Variants in CNGB3 observed in about 807,000 individuals in gnomAD.
The protein encoded by CNGB3 is cyclic nucleotide gated channel subunit beta 3, also known as cyclic nucleotide-gated channel beta-3.
CNGB3 carries 86 observed loss-of-function variants against 92.8 expected under a neutral mutation model. The ratio of observed to expected loss-of-function variants is 0.93; its 90% CI spans 0.78 to 1.11. CNGB3 has a LOEUF of 1.11. Among genes scored for constraint, CNGB3 ranks in the 50% least tolerant of loss-of-function variants. The pLI, the probability that CNGB3 is intolerant of heterozygous loss-of-function variation, is 0.00. For synonymous variants in CNGB3, 333 were observed against 332.7 expected, an observed-to-expected ratio of 1.00 and a Z score of -0.01; for missense variants, 1,026 against 956.8, an observed-to-expected ratio of 1.07 and a Z score of -0.95.
chr8:86,692,063 A>G (rs377573669), intron 3 of CNGB3, among the ~76,000 whole-genome samples: 33 of 152,178 alleles, frequency 2.2e-4, no homozygotes, highest in African/African-American at 7.2e-4. Context: ...TTGATTTTCA[A>G]TTTTATTCCA....
In CNGB3 at chr8:86,653,887, C is replaced by A. The variant is rs79270455; in HGVS notation, c.903+125G>T. On this transcript the variant is annotated intron_variant, in intron 7 of 17. Transcript: ENST00000320005. The stretch of plus-strand genomic sequence containing the variant: ...GGTAATTATTGAGAGGCAGAAACTT[C>A]AGGCTTATCATTGTCTAATAAAACT... The A allele has an allele frequency of 4.4e-3, 3,211 of 726,330 alleles. 82 individuals carry two copies. The East Asian group carries it at 0.057, about 13-fold the overall frequency. The allele number at this position is 726,330 out of a possible 1,614,324, so 45.0% of individuals were successfully genotyped here.
chr8:86,694,204 G>A (rs1824390935), intron 3 of CNGB3, among the ~76,000 whole-genome samples: 1 of 148,134 alleles, frequency 6.8e-6, no homozygotes, highest in African/African-American at 2.5e-5. Flanking sequence ...TCCCGGACGG[G>A]GCGGCTGGCC....
intron 6 of CNGB3, chr8:86,661,600 CT>C: frequency 1.3e-6 from 1 of 781,194 alleles, no homozygotes; most frequent in East Asian, 2.5e-5. Context: ...CATCCTCCAA[CT>C]TTTTCCCACT....
intron 3 of CNGB3, among the ~76,000 whole-genome samples, chr8:86,693,904 C>G (rs181137867): frequency 5.3e-5 from 8 of 152,182 alleles, no homozygotes; most frequent in African/African-American, 1.7e-4. Flanking sequence ...CCTTCCCCCC[C>G]TCTCCATTCC....
chr8:86,671,124 G>A (rs749306016), intron 3 of CNGB3, 26 bp from the exon 4 acceptor site: 1 of 1,611,900 alleles, frequency 6.2e-7, no homozygotes, highest in South Asian at 1.1e-5. Flanking sequence ...AATGGCAATA[G>A]AGATGGGCCC....
chr8:86,638,177 G>C (rs1823111501), intron 10 of CNGB3, among the ~76,000 whole-genome samples: 4 of 152,086 alleles, frequency 2.6e-5, no homozygotes, highest in Admixed American at 2.6e-4. Context: ...GAGCTTCTGT[G>C]AAAATTCTTG....
chr8:86,632,198 CAAAAAA>C (rs71275869), intron 11 of CNGB3, among the ~76,000 whole-genome samples: 1 of 70,572 alleles, frequency 1.4e-5, no homozygotes, highest in African/African-American at 4.2e-5. Flanking sequence ...GACCCTGTCT[CAAAAAA>C]AAAAAAAAAA....
At chr8:86,730,192 C>T (rs36112111) in intron 2 of CNGB3, among the ~76,000 whole-genome samples, 19 of 152,266 alleles carry the variant, frequency 1.2e-4, no homozygotes, top group African/African-American at 3.1e-4. Flanking sequence ...CATGGAGACA[C>T]GAGCAGGTGT....
At chr8:86,709,984 T>G (rs983782423) in intron 3 of CNGB3, among the ~76,000 whole-genome samples, 7 of 152,206 alleles carry the variant, frequency 4.6e-5, no homozygotes, top group Non-Finnish European at 7.3e-5. Context: ...GATCCTGTGC[T>G]AAACAGTTGA....
chr8:86,606,149 T>G (rs1585965352), intron 14 of CNGB3, among the ~76,000 whole-genome samples: 1 of 116,066 alleles, frequency 8.6e-6, no homozygotes, highest in Non-Finnish European at 1.6e-5. Context: ...GGGGTTGGTT[T>G]TTTTTTTTTT....
In CNGB3 at chr8:86,603,974, A is replaced by G. The variant is rs115601223; in HGVS notation, c.1781+119T>C. Reference sequence around the variant, plus strand: ...AAAATATGAAAATCCTTATTTTACGAATGCTCTCAGCACAATCAAACCTTT... The same window carrying G: ...AAAATATGAAAATCCTTATTTTACGGATGCTCTCAGCACAATCAAACCTTT... On this transcript the variant is annotated intron_variant, in intron 15 of 17. Transcript: ENST00000320005. 1.8e-3 allele frequency: 1,330 copies of G among 720,758 alleles called. 9 individuals carry two copies. The African/African-American group carries it at 0.02, about 11-fold the overall frequency. The allele number at this position is 720,758 out of a possible 1,614,324, so 44.6% of individuals were successfully genotyped here.
At chr8:86,623,253 A>G (rs959274392) in intron 13 of CNGB3, among the ~76,000 whole-genome samples, 1 of 152,192 alleles carries the variant, frequency 6.6e-6, no homozygotes, top group African/African-American at 2.4e-5. Context: ...AACTGCCTAC[A>G]TGAAATTTTC....
intron 15 of CNGB3, among the ~76,000 whole-genome samples, chr8:86,596,015 C>T (rs1476970527): frequency 6.6e-6 from 1 of 152,010 alleles, no homozygotes; most frequent in Non-Finnish European, 1.5e-5. Context: ...TATATCAATG[C>T]CTGAATTCTA....
chr8:86,682,755 G>A (rs1283329128), intron 3 of CNGB3, among the ~76,000 whole-genome samples: 3 of 152,208 alleles, frequency 2.0e-5, no homozygotes, highest in Non-Finnish European at 4.4e-5. Context: ...AAAATCGCAT[G>A]TGAGGCTTAG....
chr8:86,636,332 T>G (rs1394169724), intron 10 of CNGB3, among the ~76,000 whole-genome samples: 1 of 151,842 alleles, frequency 6.6e-6, no homozygotes, highest in Admixed American at 6.6e-5. Context: ...AGTGCTTTGG[T>G]AGGCTGAGGC....
At chr8:86,688,425 A>G (rs1450201719) in intron 3 of CNGB3, among the ~76,000 whole-genome samples, 1 of 152,090 alleles carries the variant, frequency 6.6e-6, no homozygotes, top group African/African-American at 2.4e-5. Context: ...CATGATATTG[A>G]GACCCCTTCA....
intron 15 of CNGB3, among the ~76,000 whole-genome samples, chr8:86,589,856 T>C (rs1274609734): frequency 6.6e-6 from 1 of 152,022 alleles, no homozygotes; most frequent in Non-Finnish European, 1.5e-5. Context: ...CTATTGGGTC[T>C]GCTTGGTGCA....
intron 15 of CNGB3, among the ~76,000 whole-genome samples, chr8:86,591,732 G>T (rs959990005): frequency 6.6e-6 from 1 of 152,206 alleles, no homozygotes. Flanking sequence ...GAGAACCACT[G>T]CTCTCTTCAA....
chr8:86,602,104 T>A (rs1822316378), intron 15 of CNGB3, among the ~76,000 whole-genome samples: 2 of 152,326 alleles, frequency 1.3e-5, no homozygotes, highest in African/African-American at 4.8e-5. Flanking sequence ...GTGTTTCAGA[T>A]TAAACTGTTG....
Sources: gnomAD v4.1 joint callset for allele counts (sites outside exome capture counted in the v4.1 genomes callset) on GRCh38, gnomAD v4.1.1 for gene constraint, MANE v1.5 for transcripts, NCBI Gene and HGNC (gene_info 2026-07-23, HGNC 2026-07-21) for gene names.